Variants in ACSS3 observed in about 807,000 individuals in gnomAD.
ACSS3 encodes the protein acyl-CoA synthetase short chain family member 3.
ACSS3 carries 64 observed loss-of-function variants against 84.2 expected under a neutral mutation model. The observed-to-expected ratio is 0.76, with a 90% confidence interval of 0.62 to 0.94. The LOEUF is 0.94. Among genes scored for constraint, ACSS3 ranks in the 40% least tolerant of loss-of-function variants. The pLI is 0.00. For missense variants in ACSS3, 815 were observed against 867.6 expected (o/e 0.94, Z 0.76); for synonymous variants, 317 against 310.1 (o/e 1.02, Z -0.23).
chr12:81,254,924 G>A lies in ACSS3; in HGVS notation c.*2G>A, dbSNP rs192386241. 4 of 1,594,882 alleles carry A rather than the reference G, an allele frequency of 2.5e-6. No individual in the cohort carries two copies. In the African/African-American group the frequency reaches 4.0e-5, roughly 16 times the overall value. ...GAAGAAATGCTGAAGCAAGCATAAT[G>A]AGTTTGTCTTATTCCTATTTTGAGT... On this transcript the variant is annotated 3_prime_UTR_variant, in exon 16 of 16. Transcript: ENST00000548058.
intron 7 of ACSS3, among the ~76,000 whole-genome samples, chr12:81,163,512 C>A (rs929529713): frequency 3.9e-5 from 6 of 152,084 alleles, no homozygotes; most frequent in Non-Finnish European, 5.9e-5. Flanking sequence ...TATACTATAC[C>A]TTTTATCTTT....
chr12:81,149,927 CT>C (rs200328205), intron 5 of ACSS3, among the ~76,000 whole-genome samples: 4 of 151,936 alleles, frequency 2.6e-5, no homozygotes, highest in Admixed American at 6.6e-5. Context: ...TTTTAAGTCT[CT>C]TTTTTTTGGT....
intron 15 of ACSS3, 23 bp downstream of exon 15, chr12:81,253,693 T>C: frequency 1.9e-6 from 3 of 1,598,550 alleles, no homozygotes; most frequent in Non-Finnish European, 2.6e-6. Context: ...AGATATTTAT[T>C]CCTGGGTTCT....
chr12:81,214,182 C>A (rs921601461), intron 9 of ACSS3, among the ~76,000 whole-genome samples: 1 of 151,608 alleles, frequency 6.6e-6, no homozygotes, highest in African/African-American at 2.4e-5. Flanking sequence ...GGTACCACCA[C>A]GCCTGGCTAA....
At chr12:81,110,358 A>G (rs1214690827) in intron 2 of ACSS3, among the ~76,000 whole-genome samples, 1 of 151,862 alleles carries the variant, frequency 6.6e-6, no homozygotes. Context: ...CCTTTGGCTT[A>G]TTTGCTCTTT....
Position 81,199,334 on chromosome 12 carries a change from T to C in ACSS3, c.1251-7T>C. 1 of 1,604,540 alleles carries C rather than the reference T, an allele frequency of 6.2e-7. No individual in the cohort carries two copies. Among genetic ancestry groups the C allele is most frequent in the Non-Finnish European group, 8.5e-7 (1 of 1,175,802 alleles). On this transcript the variant is annotated splice_polypyrimidine_tract_variant and splice_region_variant and intron_variant, in intron 8 of 15. Coordinates refer to ENST00000548058, the MANE Select transcript of ACSS3 (RefSeq NM_024560.4). ...GGAATAATTTGAATTCACTGTCTCATATTCAGGTTCAAAACATTATTTGTG... is the reference window on the plus strand; with the variant it reads ...GGAATAATTTGAATTCACTGTCTCACATTCAGGTTCAAAACATTATTTGTG...
Position 81,204,120 on chromosome 12 carries a change from G to A in ACSS3, c.1354+4676G>A, listed in dbSNP as rs527605950. Among the ~76,000 whole-genome samples, 3 of 152,040 alleles carry A rather than the reference G, an allele frequency of 2.0e-5. No individual in the cohort carries two copies. In the South Asian group the frequency reaches 6.2e-4, roughly 32 times the overall value. ...AGAACTGTCAGTGCAGTGCATGGTG[G>A]CCTTCGTGGGATTTTTTTTTTCTTG... On this transcript the variant is annotated intron_variant, in intron 9 of 15. Coordinates refer to ENST00000548058, the MANE Select transcript of ACSS3 (RefSeq NM_024560.4).
At chr12:81,110,992 G>GA (rs1765608583) in intron 2 of ACSS3, among the ~76,000 whole-genome samples, 1 of 152,124 alleles carries the variant, frequency 6.6e-6, no homozygotes, top group South Asian at 2.1e-4. Context: ...GAAATTTCAA[G>GA]AAAGGCAACT....
chr12:81,093,821 G>A (rs12817782), intron 1 of ACSS3, among the ~76,000 whole-genome samples: 12,948 of 152,048 alleles, frequency 0.085, 645 homozygotes, highest in South Asian at 0.13. Context: ...TATATTTTAT[G>A]TGTAGATGTT....
At chr12:81,157,816 A>G (rs1886954812) in intron 7 of ACSS3, among the ~76,000 whole-genome samples, 1 of 152,128 alleles carries the variant, frequency 6.6e-6, no homozygotes, top group Admixed American at 6.5e-5. Context: ...CAAAAAATAA[A>G]TAAATAAATA....
rs12227407 is a variant in ACSS3, at chr12:81,139,796, C to T, written c.780+531C>T. On this transcript the variant is annotated intron_variant, in intron 4 of 15. Coordinates refer to ENST00000548058, the MANE Select transcript of ACSS3 (RefSeq NM_024560.4). Reference sequence around the variant, plus strand: ...GACTACAGGTGCCTGCCACCACACCCGGCTAATTTTTTGTATTTTTAGTAG... The same window carrying T: ...GACTACAGGTGCCTGCCACCACACCTGGCTAATTTTTTGTATTTTTAGTAG... Among the ~76,000 whole-genome samples, 13 of 151,618 alleles carry T rather than the reference C, an allele frequency of 8.6e-5. No individual in the cohort carries two copies. In the East Asian group the frequency reaches 1.7e-3, roughly 20 times the overall value.
At chr12:81,239,368 CA>C (rs2033720621) in intron 13 of ACSS3, among the ~76,000 whole-genome samples, 1 of 151,726 alleles carries the variant, frequency 6.6e-6, no homozygotes, top group African/African-American at 2.4e-5. Context: ...AAACATAAAT[CA>C]GATATTTAGT....
chr12:81,086,920 T>A (rs556449826), intron 1 of ACSS3, among the ~76,000 whole-genome samples: 2 of 152,276 alleles, frequency 1.3e-5, no homozygotes, highest in Middle Eastern at 3.4e-3. Context: ...GGAGCTCAAA[T>A]CCTTTATCTA....
chr12:81,110,264 C>A (rs1291789785), intron 2 of ACSS3, among the ~76,000 whole-genome samples: 1 of 152,182 alleles, frequency 6.6e-6, no homozygotes, highest in Non-Finnish European at 1.5e-5. Context: ...CTTGACTATG[C>A]ACACAACCCT....
At chr12:81,143,988 T>C (rs1366704220) in intron 5 of ACSS3, among the ~76,000 whole-genome samples, 1 of 152,178 alleles carries the variant, frequency 6.6e-6, no homozygotes, top group East Asian at 1.9e-4. Flanking sequence ...TATTAGGTGG[T>C]TTAATATTCA....
intron 3 of ACSS3, among the ~76,000 whole-genome samples, chr12:81,136,796 G>T (rs1885826848): frequency 1.3e-5 from 2 of 152,138 alleles, no homozygotes; most frequent in Admixed American, 6.6e-5. Flanking sequence ...TTAAGAAGAG[G>T]CAGGTCTTGC....
intron 5 of ACSS3, among the ~76,000 whole-genome samples, chr12:81,145,067 A>ATTTTTTTTTTTTTTTT (rs35753293): frequency 2.0e-5 from 2 of 100,912 alleles, no homozygotes; most frequent in Admixed American, 1.2e-4. Context: ...CGCCTGGCTA[A>ATTTTTTTTTTTTTTTT]TTTTTTTTTT....
In ACSS3 at chr12:81,254,884, AT is replaced by A; in HGVS notation, c.2028del (p.Phe676LeufsTer4). 2 of 1,609,508 alleles carry A rather than the reference AT, an allele frequency of 1.2e-6. No individual in the cohort carries two copies. Among genetic ancestry groups the A allele is most frequent in the South Asian group, 1.1e-5 (1 of 90,044 alleles). On this transcript the variant is annotated frameshift_variant, in exon 16 of 16. Coordinates refer to ENST00000548058, the MANE Select transcript of ACSS3 (RefSeq NM_024560.4). LOFTEE classifies it high-confidence loss of function. ...KITSTIEDPS[I>X]FGHVEEMLKQ... Reference sequence around the variant, plus strand: ...AACTTCTACAATTGAAGACCCCAGCATTTTTGGCCACGTAGAAGAAATGCTG... The same window carrying A: ...AACTTCTACAATTGAAGACCCCAGCATTTTGGCCACGTAGAAGAAATGCTG...
At chr12:81,231,224 C>T (rs1239938321) in intron 12 of ACSS3, 86 bp downstream of exon 12, 6 of 1,144,718 alleles carry the variant, frequency 5.2e-6, no homozygotes, top group Middle Eastern at 2.8e-4. Flanking sequence ...CTCCTAGAAT[C>T]GTAGATCAAA....
Sources: allele counts gnomAD v4.1 joint callset (sites outside exome capture counted in the v4.1 genomes callset), GRCh38; gene constraint gnomAD v4.1.1; transcripts MANE v1.5; gene names NCBI Gene and HGNC (gene_info 2026-07-23, HGNC 2026-07-21).